The following PTPRD variants were observed in gnomAD, a reference collection of about 807,000 sequenced individuals.
The protein encoded by PTPRD is protein tyrosine phosphatase receptor type D.
In PTPRD, 34 loss-of-function variants were observed where a neutral mutation model predicts 214.5. That is an observed-to-expected ratio of 0.16 (90% CI 0.12 to 0.21). The LOEUF is 0.21. PTPRD is among the 10% of genes least tolerant of loss of function. PTPRD has a pLI of 1.00. For missense variants in PTPRD, 2,545 were observed against 2,398.7 expected (o/e 1.06, Z -1.27); for synonymous variants, 1,128 against 845.7 (o/e 1.33, Z -5.79).
At chr9:9,836,965 G>C (rs576733576) in intron 5 of PTPRD, among the ~76,000 whole-genome samples, 7 of 152,268 alleles carry the variant, frequency 4.6e-5, no homozygotes, top group African/African-American at 1.7e-4. Context: ...TTGGTAAAAA[G>C]CCTCACCTAT....
intron 3 of PTPRD, among the ~76,000 whole-genome samples, chr9:10,317,780 T>C (rs1273112492): frequency 4.6e-5 from 7 of 152,020 alleles, no homozygotes; most frequent in Non-Finnish European, 1.0e-4. Flanking sequence ...CCCAATGTGG[T>C]CTATAAGCTG....
intron 2 of PTPRD, among the ~76,000 whole-genome samples, chr9:10,383,364 A>G (rs1003282783): frequency 2.0e-5 from 3 of 151,842 alleles, no homozygotes; most frequent in Non-Finnish European, 4.4e-5. Context: ...ATAATGCTCT[A>G]TGCTCAGGCC....
chr9:9,612,342 C>T (rs573113910), intron 7 of PTPRD, among the ~76,000 whole-genome samples: 24 of 152,224 alleles, frequency 1.6e-4, no homozygotes, highest in African/African-American at 5.5e-4. Flanking sequence ...TGCCCTGCCA[C>T]CCCACGACAC....
intron 11 of PTPRD, among the ~76,000 whole-genome samples, chr9:9,011,860 G>A (rs2099513210): frequency 6.6e-6 from 1 of 152,066 alleles, no homozygotes; most frequent in African/African-American, 2.4e-5. Context: ...CTTTCCTTTG[G>A]TCTCTTTCTC....
chr9:8,941,031 C>T lies in PTPRD; in HGVS notation c.-104+77666G>A, dbSNP rs979426686. On this transcript the variant is annotated intron_variant, in intron 11 of 45. Coordinates refer to ENST00000381196, the MANE Select transcript of PTPRD (RefSeq NM_002839.4). Reference sequence around the variant, plus strand: ...AGATTTAGACATTATCATGGCACAGCAGTAATAACCCATCAGGAACTCCTG... The same window carrying T: ...AGATTTAGACATTATCATGGCACAGTAGTAATAACCCATCAGGAACTCCTG... Among the ~76,000 whole-genome samples, 3 of 152,084 alleles carry T rather than the reference C, an allele frequency of 2.0e-5. No homozygotes were observed. In the South Asian group the frequency reaches 6.2e-4, roughly 31 times the overall value.
At chr9:9,368,758 T>C (rs2058590370) in intron 9 of PTPRD, among the ~76,000 whole-genome samples, 1 of 151,984 alleles carries the variant, frequency 6.6e-6, no homozygotes, top group Non-Finnish European at 1.5e-5. Context: ...ATATCTTTTT[T>C]TAAATTTTAT....
chr9:9,871,456 C>T (rs1048689855), intron 5 of PTPRD, among the ~76,000 whole-genome samples: 3 of 152,132 alleles, frequency 2.0e-5, no homozygotes, highest in Non-Finnish European at 4.4e-5. Context: ...GTTTAGTATA[C>T]GAAAGGATGG....
At chr9:9,547,080 T>C (rs1320801951) in intron 8 of PTPRD, among the ~76,000 whole-genome samples, 2 of 151,994 alleles carry the variant, frequency 1.3e-5, no homozygotes, top group East Asian at 3.9e-4. Context: ...ACAACAGCTA[T>C]CACAAAGACT....
At chr9:9,070,712 A>T (rs758269611) in intron 10 of PTPRD, among the ~76,000 whole-genome samples, 19 of 152,206 alleles carry the variant, frequency 1.2e-4, no homozygotes, top group Middle Eastern at 3.2e-3. Context: ...AAGATCCTAT[A>T]ATCACTGCAC....
intron 11 of PTPRD, among the ~76,000 whole-genome samples, chr9:8,965,201 A>C (rs1295534235): frequency 1.3e-5 from 2 of 151,952 alleles, no homozygotes; most frequent in Non-Finnish European, 2.9e-5. Flanking sequence ...AACATGATGA[A>C]ACCCCTTCTC....
chr9:9,833,391 G>A (rs539831244), intron 5 of PTPRD, among the ~76,000 whole-genome samples: 1 of 151,868 alleles, frequency 6.6e-6, no homozygotes, highest in African/African-American at 2.4e-5. Context: ...AATAGGTGTG[G>A]GTGACAGACA....
chr9:8,999,743 G>T (rs528590011), intron 11 of PTPRD, among the ~76,000 whole-genome samples: 1 of 152,046 alleles, frequency 6.6e-6, no homozygotes, highest in African/African-American at 2.4e-5. Flanking sequence ...TTCCACCAGA[G>T]CCAGGCCTGG....
chr9:10,157,471 T>C (rs575944958), intron 3 of PTPRD, among the ~76,000 whole-genome samples: 2 of 152,206 alleles, frequency 1.3e-5, no homozygotes, highest in Non-Finnish European at 2.9e-5. Flanking sequence ...CAGTCTCTTC[T>C]GGATAGTAGT....
intron 11 of PTPRD, among the ~76,000 whole-genome samples, chr9:8,929,927 A>G (rs200768581): frequency 3.7e-5 from 5 of 134,364 alleles, no homozygotes; most frequent in East Asian, 2.2e-4. Flanking sequence ...GTATATATAT[A>G]TGTGTATATA....
At chr9:8,360,889 C>T (rs2078296457) in intron 39 of PTPRD, among the ~76,000 whole-genome samples, 1 of 152,166 alleles carries the variant, frequency 6.6e-6, no homozygotes. Flanking sequence ...ACCAGTTAAA[C>T]TTACTTTTAC....
intron 4 of PTPRD, among the ~76,000 whole-genome samples, chr9:9,982,914 T>G (rs1241742719): frequency 1.3e-5 from 2 of 152,134 alleles, no homozygotes; most frequent in Non-Finnish European, 2.9e-5. Flanking sequence ...ACGAAGATGA[T>G]TTCTGTATAG....
At chr9:8,791,763 G>A (rs943709432) in intron 11 of PTPRD, among the ~76,000 whole-genome samples, 1 of 151,908 alleles carries the variant, frequency 6.6e-6, no homozygotes, top group Non-Finnish European at 1.5e-5. Flanking sequence ...CTAGGTGACT[G>A]GTGAAGAGAA....
At chr9:10,189,460 G>A (rs571604850) in intron 3 of PTPRD, among the ~76,000 whole-genome samples, 3 of 152,264 alleles carry the variant, frequency 2.0e-5, no homozygotes, top group South Asian at 4.1e-4. Flanking sequence ...TATCATCTCT[G>A]CTGCATTTTA....
intron 5 of PTPRD, among the ~76,000 whole-genome samples, chr9:9,768,893 T>A (rs1036490404): frequency 2.8e-4 from 42 of 152,212 alleles, no homozygotes; most frequent in Admixed American, 2.1e-3. Flanking sequence ...AAACTTCAGT[T>A]TGTAACATGC....
Sources: gnomAD v4.1 joint callset for allele counts (sites outside exome capture counted in the v4.1 genomes callset) on GRCh38, gnomAD v4.1.1 for gene constraint, MANE v1.5 for transcripts, NCBI Gene and HGNC (gene_info 2026-07-23, HGNC 2026-07-21) for gene names.